Variants in LRTM2 observed in about 807,000 individuals in gnomAD.
LRTM2 encodes the protein leucine-rich repeat and transmembrane domain-containing protein 2.
In LRTM2, 18 loss-of-function variants were observed where a neutral mutation model predicts 28.1. The observed-to-expected ratio is 0.64, with a 90% CI of 0.44 to 0.95. The LOEUF (loss-of-function observed/expected upper bound fraction) is 0.95. Among genes scored for constraint, LRTM2 ranks in the 40% least tolerant of loss-of-function variants. The pLI is 0.00. For synonymous variants in LRTM2, 250 were observed against 218.7 expected (o/e 1.14, Z -1.26); for missense variants, 436 against 497.2 (o/e 0.88, Z 1.17).
chr12:1,834,146 T>C lies in LRTM2; in HGVS notation c.659-121T>C. The C allele has an allele frequency of 8.8e-7, 1 of 1,139,916 alleles. No individual in the cohort carries two copies. Among genetic ancestry groups the C allele is most frequent in the Non-Finnish European group, 1.2e-6 (1 of 830,474 alleles). 70.6% of individuals were successfully genotyped at this position (1,139,916 alleles called of 1,614,324 possible). A position where few individuals can be genotyped will look rare whatever the true frequency, so the allele number is the denominator to read the frequency against. ...TCTTCTATAGATGGTGATTCCAGGA[T>C]TGACTACATTGCTGATAAAAACTAC... On this transcript the variant is annotated intron_variant, in intron 4 of 4. Coordinates refer to ENST00000299194, the MANE Select transcript of LRTM2 (RefSeq NM_001039029.3). The surrounding 1 kb of genome is among the most constrained non-coding windows in gnomAD (Gnocchi z 7.6).
At chr12:1,821,303 A>G (rs564136097) in intron 1 of LRTM2, among the ~76,000 whole-genome samples, 4 of 152,264 alleles carry the variant, frequency 2.6e-5, no homozygotes, top group African/African-American at 9.6e-5. Flanking sequence ...CCTGGATGTC[A>G]GAGGCATGGG....
chr12:1,835,828 C>T lies in LRTM2; in HGVS notation c.*1107C>T, dbSNP rs948296003. ...AGCACCAGGCCCTGTGGGGCCCCCA[C>T]TGATTCCTCCACAGCCTGCAGCCTG... On this transcript the variant is annotated 3_prime_UTR_variant, in exon 5 of 5. Transcript: ENST00000299194. 1 of 152,742 alleles carries T rather than the reference C, an allele frequency of 6.5e-6. No homozygotes were observed. The highest frequency in any genetic ancestry group is 2.4e-5 in the African/African-American group (1 of 41,492). The allele number at this position is 152,742 out of a possible 1,614,324, so 9.5% of individuals were successfully genotyped here.
intron 1 of LRTM2, among the ~76,000 whole-genome samples, chr12:1,821,353 A>T (rs1864092235): frequency 6.6e-6 from 1 of 152,216 alleles, no homozygotes; most frequent in African/African-American, 2.4e-5. Flanking sequence ...GCTTGCCTGC[A>T]GGTGGCTGTC....
chr12:1,830,977 C>G lies in LRTM2; in HGVS notation c.110C>G (p.Pro37Arg). 6.2e-7 allele frequency: 1 copy of G among 1,613,402 alleles called. No homozygotes were observed. The highest frequency in any genetic ancestry group is 8.5e-7 in the Non-Finnish European group (1 of 1,179,584). The part of the protein sequence containing the change: ...WIALYAVEAL[P>R]TCPFSCKCDS... The stretch of plus-strand genomic sequence containing the variant: ...GCCCTGTATGCTGTGGAGGCCCTCC[C>G]CACCTGCCCTTTCTCCTGCAAGTGT... The change falls in exon 4 of 5, where the codon CCC becomes CGC. Residue 37 changes from proline to arginine, a missense_variant. Transcript: ENST00000299194.
rs1221437745 is a variant in LRTM2, at chr12:1,836,602, C to G, written c.*1881C>G. 1 of 152,510 alleles carries G rather than the reference C, an allele frequency of 6.6e-6. No homozygotes were observed. The highest frequency in any genetic ancestry group is 1.5e-5 in the Non-Finnish European group (1 of 68,088). 9.4% of individuals were successfully genotyped at this position (152,510 alleles called of 1,614,324 possible). The stretch of plus-strand genomic sequence containing the variant: ...CCTTCTTTTGGCGTGTGGGCTGGTA[C>G]CAGATCTGGGGATTTTCTAAAGGGA... On this transcript the variant is annotated 3_prime_UTR_variant, in exon 5 of 5. Transcript: ENST00000299194.
chr12:1,821,112 A>T (rs891246063), intron 1 of LRTM2, among the ~76,000 whole-genome samples: 3 of 152,298 alleles, frequency 2.0e-5, no homozygotes, highest in Middle Eastern at 6.8e-3. Flanking sequence ...GGTGGCATAG[A>T]AACCGGTCCC....
In LRTM2 at chr12:1,833,215, T is replaced by G. The variant is rs1173744099; in HGVS notation, c.659-1052T>G. ...CATCCCAGGGAAAGATTGATGCCTA[T>G]TGTATGAGGAGACTTGCGGCAGATG... On this transcript the variant is annotated intron_variant, in intron 4 of 4. Coordinates refer to ENST00000299194, the MANE Select transcript of LRTM2 (RefSeq NM_001039029.3). The surrounding 1 kb of genome is among the most constrained non-coding windows in gnomAD (Gnocchi z 4.2). Among the ~76,000 whole-genome samples the G allele has an allele frequency of 6.6e-6, 1 of 152,238 alleles. No individual in the cohort carries two copies. Among genetic ancestry groups the G allele is most frequent in the Non-Finnish European group, 1.5e-5 (1 of 68,032 alleles).
At chr12:1,826,706 C>CGG (rs34310582) in intron 1 of LRTM2, among the ~76,000 whole-genome samples, 1 of 152,080 alleles carries the variant, frequency 6.6e-6, no homozygotes, top group East Asian at 1.9e-4. Flanking sequence ...CTGCCCTTGC[C>CGG]GGGGGCAGAG....
chr12:1,830,696 C>T (rs1347512326), intron 3 of LRTM2, among the ~76,000 whole-genome samples: 1 of 152,186 alleles, frequency 6.6e-6, no homozygotes, highest in Non-Finnish European at 1.5e-5. Context: ...ATTCCTCTGC[C>T]AGATGTGTGG....
Position 1,831,029 on chromosome 12 carries a change from C to T in LRTM2, c.162C>T (p.Cys54=). The T allele has an allele frequency of 1.9e-6, 3 of 1,614,118 alleles. No homozygotes were observed. Among genetic ancestry groups the T allele is most frequent in the Non-Finnish European group, 1.7e-6 (2 of 1,180,036 alleles). Residue 54 remains cysteine (C), a synonymous_variant, in exon 4 of 5, where the codon TGC becomes TGT. Transcript: ENST00000299194. ...ACAGCCGCAGCCTGGAGGTGGACTG[C>T]AGTGGCCTTGGCCTCACCACGGTGC... ...KCDSRSLEVD[C]SGLGLTTVPP...
Position 1,831,135 on chromosome 12 carries a change from A to G in LRTM2, c.268A>G (p.Asn90Asp). The G allele has an allele frequency of 6.2e-7, 1 of 1,613,988 alleles. No individual in the cohort carries two copies. Among genetic ancestry groups the G allele is most frequent in the Non-Finnish European group, 8.5e-7 (1 of 1,180,028 alleles). The change falls in exon 4 of 5, where the codon AAC becomes GAC. Residue 90 changes from asparagine to aspartate, a missense_variant. By Grantham distance (23) the Asn-to-Asp change is conservative (BLOSUM62 1). Coordinates refer to ENST00000299194, the MANE Select transcript of LRTM2 (RefSeq NM_001039029.3). ...LSALPSWAFA[N>D]LSSLQRLDLS... Reference sequence around the variant, plus strand: ...TGCCCTGCCAAGCTGGGCTTTCGCCAACCTCTCCAGCCTGCAGCGGTTGGA... The same window carrying G: ...TGCCCTGCCAAGCTGGGCTTTCGCCGACCTCTCCAGCCTGCAGCGGTTGGA...
chr12:1,831,289 T>C lies in LRTM2; in HGVS notation c.422T>C (p.Leu141Pro). 1 of 1,613,752 alleles carries C rather than the reference T, an allele frequency of 6.2e-7. No homozygotes were observed. The highest frequency in any genetic ancestry group is 8.5e-7 in the Non-Finnish European group (1 of 1,180,030). Residue 141 changes from leucine (L) to proline (P), a missense_variant, in exon 4 of 5, where the codon CTG (leucine) becomes CCG (proline). By Grantham distance (98) the Leu-to-Pro change is moderately conservative. Coordinates refer to ENST00000299194, the MANE Select transcript of LRTM2 (RefSeq NM_001039029.3). ...AGGGACCTGCTGCGGCACTCGCCGC[T>C]GCTCCGCCACCTGGACCTGTCCATC... ...LDRDLLRHSP[L>P]LRHLDLSING...
intron 1 of LRTM2, among the ~76,000 whole-genome samples, chr12:1,824,679 C>T (rs186627898): frequency 2.0e-5 from 3 of 152,370 alleles, no homozygotes; most frequent in East Asian, 3.9e-4. Context: ...CAGCAGCTGT[C>T]AGTGCCTGCT....
At chr12:1,826,502 C>T (rs1167744775) in intron 1 of LRTM2, among the ~76,000 whole-genome samples, 1 of 151,872 alleles carries the variant, frequency 6.6e-6, no homozygotes, top group Non-Finnish European at 1.5e-5. Context: ...GGGGCTCCTC[C>T]ACCCCTCATG....
At chr12:1,823,547 C>A (rs970144170) in intron 1 of LRTM2, among the ~76,000 whole-genome samples, 1 of 152,034 alleles carries the variant, frequency 6.6e-6, no homozygotes, top group Non-Finnish European at 1.5e-5. Flanking sequence ...ACTGGGGCCT[C>A]CTGCTCCCCC....
chr12:1,826,410 C>T (rs11831740), intron 1 of LRTM2, among the ~76,000 whole-genome samples: 2 of 79,246 alleles, frequency 2.5e-5, no homozygotes, highest in African/African-American at 3.5e-5. Context: ...GCCCCCCCCC[C>T]CCCCCCGCCA....
intron 1 of LRTM2, among the ~76,000 whole-genome samples, chr12:1,821,166 G>C (rs1864084953): frequency 6.6e-6 from 1 of 152,176 alleles, no homozygotes; most frequent in South Asian, 2.1e-4. Flanking sequence ...CTGTCGTTGT[G>C]CCCGGCTCTG....
chr12:1,826,415 C>G (rs1864327757), intron 1 of LRTM2, among the ~76,000 whole-genome samples: 1 of 138,788 alleles, frequency 7.2e-6, no homozygotes. Context: ...CCCCCCCCCC[C>G]CGCCAACTGG....
At chr12:1,827,319 C>G (rs550848178) in intron 1 of LRTM2, 91 bp from the exon 2 acceptor site, 2 of 152,694 alleles carry the variant, frequency 1.3e-5, no homozygotes, top group Non-Finnish European at 2.9e-5. Flanking sequence ...CCTTGTCCCC[C>G]GCGAAGGAAG....
Sources: gnomAD v4.1 joint callset for allele counts (sites outside exome capture counted in the v4.1 genomes callset) on GRCh38, gnomAD v4.1.1 for gene constraint, Gnocchi (gnomAD v3.1) non-coding constraint, MANE v1.5 for transcripts, NCBI Gene and HGNC (gene_info 2026-07-23, HGNC 2026-07-21) for gene names.